Variants in DCAF5 observed in about 807,000 individuals in gnomAD.
DCAF5 encodes the protein DDB1 and CUL4 associated factor 5.
DCAF5 carries 9 observed loss-of-function variants against 80.7 expected under a neutral mutation model. The ratio of observed to expected loss-of-function variants is 0.11; its 90% CI spans 0.07 to 0.19. The LOEUF is 0.19. DCAF5 is among the 10% of genes least tolerant of loss of function. The pLI is 1.00. For synonymous variants in DCAF5, 433 were observed against 461.9 expected (o/e 0.94, Z 0.80); for missense variants, 842 against 1,205.7 (o/e 0.70, Z 4.47).
chr14:69,097,365 T>A (rs2039758621), intron 5 of DCAF5, among the ~76,000 whole-genome samples: 1 of 152,158 alleles, frequency 6.6e-6, no homozygotes, highest in Non-Finnish European at 1.5e-5. Context: ...GGCAATAATA[T>A]GAATGCCTCA....
chr14:69,053,832 G>T lies in DCAF5; in HGVS notation c.*25C>A. Reference sequence around the variant, plus strand: ...TTTTTTTTGTAAGGCTACTTTTGTAGCTTTTTGTTTTCCCTTTGTATTTAT... The same window carrying T: ...TTTTTTTTGTAAGGCTACTTTTGTATCTTTTTGTTTTCCCTTTGTATTTAT... On this transcript the variant is annotated 3_prime_UTR_variant, in exon 9 of 9. Coordinates refer to ENST00000341516, the MANE Select transcript of DCAF5 (RefSeq NM_003861.3). 1 of 1,556,140 alleles carries T rather than the reference G, an allele frequency of 6.4e-7. No homozygotes were observed. Among genetic ancestry groups the T allele is most frequent in the Non-Finnish European group, 8.6e-7 (1 of 1,160,984 alleles).
At chr14:69,151,597 C>A (rs768727869) in intron 1 of DCAF5, among the ~76,000 whole-genome samples, 88 of 152,242 alleles carry the variant, frequency 5.8e-4, no homozygotes, top group Admixed American at 2.9e-3. Context: ...CCGTCTTCAC[C>A]CCCCCTCCCC....
intron 6 of DCAF5, among the ~76,000 whole-genome samples, chr14:69,086,252 G>A (rs2039316115): frequency 2.0e-5 from 3 of 152,208 alleles, no homozygotes; most frequent in South Asian, 4.1e-4. Flanking sequence ...CAGCTACTCC[G>A]GAGGCTGTGG....
At position 69,100,391 on chromosome 14, in the gene DCAF5, AT is replaced by A. The variant is rs150333304; in HGVS notation, c.666-8505del. Among the ~76,000 whole-genome samples, 1,327 of 152,332 alleles carry A rather than the reference AT, an allele frequency of 8.7e-3. 21 individuals carry two copies. The highest frequency in any genetic ancestry group is 0.03 in the African/African-American group (1,267 of 41,572). ...TTCACATAATAAACTGACCCATAGGATTCTGGTACAAATGCTAAATTTGAAA... is the reference window on the plus strand; with the variant it reads ...TTCACATAATAAACTGACCCATAGGATCTGGTACAAATGCTAAATTTGAAA... On this transcript the variant is annotated intron_variant, in intron 5 of 8. Transcript: ENST00000341516.
intron 6 of DCAF5, chr14:69,090,083 T>TCA (rs1163802329): frequency 2.0e-6 from 2 of 985,202 alleles, no homozygotes; most frequent in Non-Finnish European, 2.4e-6. Context: ...ACTATTAATA[T>TCA]CACCTTCACT....
In DCAF5 at chr14:69,091,124, C is replaced by T. The variant is rs1413802971; in HGVS notation, c.879+550G>A. The T allele has an allele frequency of 4.0e-6, 3 of 755,230 alleles. No individual in the cohort carries two copies. The East Asian group carries it at 7.3e-5, about 18-fold the overall frequency. The allele number at this position is 755,230 out of a possible 1,614,324, so 46.8% of individuals were successfully genotyped here. A position where few individuals can be genotyped will look rare whatever the true frequency, so the allele number is the denominator to read the frequency against. On this transcript the variant is annotated intron_variant, in intron 6 of 8. Transcript: ENST00000341516. ...TGAGACTCAGAAAAGGCTGGAAACT[C>T]ACAGCTTGGGCTCTCCATTTCCAGT...
intron 6 of DCAF5, chr14:69,084,417 T>G (rs548818874): frequency 2.3e-6 from 2 of 886,292 alleles, no homozygotes. Context: ...GAAGAGGAAT[T>G]AAAACAAATT....
chr14:69,111,315 A>G (rs2040356401), intron 5 of DCAF5, among the ~76,000 whole-genome samples: 1 of 152,172 alleles, frequency 6.6e-6, no homozygotes, highest in Non-Finnish European at 1.5e-5. Flanking sequence ...CCTAAGAGCA[A>G]TTTCCCGATA....
chr14:69,102,320 G>A (rs1168670685), intron 5 of DCAF5, among the ~76,000 whole-genome samples: 8 of 151,726 alleles, frequency 5.3e-5, no homozygotes, highest in Admixed American at 5.3e-4. Context: ...TGTTGGCCAG[G>A]CTGGTCTCGA....
chr14:69,087,040 T>C (rs2039355527), intron 6 of DCAF5, among the ~76,000 whole-genome samples: 1 of 152,224 alleles, frequency 6.6e-6, no homozygotes, highest in African/African-American at 2.4e-5. Context: ...AGAAATACTT[T>C]AAATGATCAG....
chr14:69,082,578 A>G (rs893624361), intron 6 of DCAF5, among the ~76,000 whole-genome samples: 6 of 152,232 alleles, frequency 3.9e-5, no homozygotes, highest in African/African-American at 1.4e-4. Flanking sequence ...AGCGTTACTT[A>G]AAGATGAATC....
rs35090961 is a variant in DCAF5, at chr14:69,099,375, C to T, written c.666-7488G>A. On this transcript the variant is annotated intron_variant, in intron 5 of 8. Coordinates refer to ENST00000341516, the MANE Select transcript of DCAF5 (RefSeq NM_003861.3). ...TTTGTCTACCCATGAAACCTGATCT[C>T]GAGGGGCAAGCAGCAGAACAGCATA... 4.0e-3 allele frequency among the ~76,000 whole-genome samples: 602 copies of T among 151,198 alleles called. 2 individuals carry two copies. Among genetic ancestry groups the T allele is most frequent in the Non-Finnish European group, 7.0e-3 (478 of 67,912 alleles).
intron 5 of DCAF5, among the ~76,000 whole-genome samples, chr14:69,107,930 C>A (rs2040221454): frequency 6.6e-6 from 1 of 152,178 alleles, no homozygotes; most frequent in Non-Finnish European, 1.5e-5. Context: ...AAAACACGCA[C>A]CTGCCCTTAA....
At chr14:69,144,335 G>A (rs1163263156) in intron 1 of DCAF5, among the ~76,000 whole-genome samples, 2 of 152,046 alleles carry the variant, frequency 1.3e-5, no homozygotes, top group Non-Finnish European at 2.9e-5. Context: ...CACTTTGGGA[G>A]GCCGAGGTGG....
intron 1 of DCAF5, among the ~76,000 whole-genome samples, chr14:69,124,050 C>A (rs1223175585): frequency 6.6e-6 from 1 of 152,132 alleles, no homozygotes; most frequent in Non-Finnish European, 1.5e-5. Flanking sequence ...CTCTAGGAAC[C>A]TCGTATAAGT....
intron 5 of DCAF5, among the ~76,000 whole-genome samples, chr14:69,110,855 C>A (rs1595017612): frequency 9.4e-6 from 1 of 106,054 alleles, no homozygotes; most frequent in Non-Finnish European, 1.7e-5. Context: ...CCAGCCTGGG[C>A]AACAGACCAA....
chr14:69,082,424 TA>T (rs1266350477), intron 6 of DCAF5, among the ~76,000 whole-genome samples: 4 of 151,570 alleles, frequency 2.6e-5, no homozygotes, highest in Non-Finnish European at 5.9e-5. Context: ...TTCAGTTTAT[TA>T]AAATAACCAA....
intron 6 of DCAF5, among the ~76,000 whole-genome samples, chr14:69,079,379 A>ATAAAGG (rs2139919071): frequency 6.6e-6 from 1 of 152,284 alleles, no homozygotes; most frequent in Admixed American, 6.5e-5. Context: ...CCTCTTAGGG[A>ATAAAGG]TAAAGGCAAC....
rs2041745180 is a variant in DCAF5 at position 69,152,680 on chromosome 14, G to A, written c.214+85C>T. Reference sequence around the variant, plus strand: ...GAAAGGGAGGGGGTGGGGACAGAGGGCAGGAGGAGGGTGACGGGGGAGAGC... The same window carrying A: ...GAAAGGGAGGGGGTGGGGACAGAGGACAGGAGGAGGGTGACGGGGGAGAGC... On this transcript the variant is annotated intron_variant, in intron 1 of 8. Transcript: ENST00000341516. The surrounding 1 kb of genome is among the most constrained non-coding windows in gnomAD (Gnocchi z 4.1). 9.9e-6 allele frequency: 10 copies of A among 1,010,492 alleles called. No individual in the cohort carries two copies. The highest frequency in any genetic ancestry group is 1.5e-5 in the Non-Finnish European group (10 of 683,418). The allele number at this position is 1,010,492 out of a possible 1,614,324, so 62.6% of individuals were successfully genotyped here. A position where few individuals can be genotyped will look rare whatever the true frequency, so the allele number is the denominator to read the frequency against.
Sources: allele counts gnomAD v4.1 joint callset (sites outside exome capture counted in the v4.1 genomes callset), GRCh38; gene constraint gnomAD v4.1.1; non-coding constraint Gnocchi (gnomAD v3.1); transcripts MANE v1.5; gene names NCBI Gene and HGNC (gene_info 2026-07-23, HGNC 2026-07-21).